USP36: variants seen among roughly 807,000 people sequenced by gnomAD.
USP36 encodes the protein ubiquitin specific peptidase 36.
Under a neutral mutation model 111.5 loss-of-function variants are expected in USP36, and 59 were observed. The ratio of observed to expected loss-of-function variants is 0.53; its 90% confidence interval spans 0.43 to 0.66. The LOEUF (loss-of-function observed/expected upper bound fraction) is 0.66. Ranked by LOEUF, USP36 falls within the 30% of genes least tolerant of loss-of-function variation. USP36 has a pLI of 0.00. For missense variants in USP36, 1,488 were observed against 1,468.0 expected (o/e 1.01, Z -0.22); for synonymous variants, 628 against 581.0 (o/e 1.08, Z -1.16).
At chr17:78,794,452 G>A (rs573718819), downstream of USP36, among the ~76,000 whole-genome samples, 61 of 152,120 alleles carry the variant, frequency 4.0e-4, no homozygotes, top group Non-Finnish European at 7.4e-4. Flanking sequence ...GGTGCTTCAG[G>A]CAGAGCTCAT....
At chr17:78,821,411 TATA>T (rs1567952669) in intron 7 of USP36, 25 of 67,520 alleles carry the variant, frequency 3.7e-4, no homozygotes, top group African/African-American at 1.2e-3. Context: ...TATATATATA[TATA>T]TATATATTTT....
chr17:78,812,933 C>A lies in USP36; in HGVS notation c.1334G>T (p.Arg445Leu), dbSNP rs368954783. 42 of 1,613,722 alleles carry A rather than the reference C, an allele frequency of 2.6e-5. No individual in the cohort carries two copies. In the South Asian group the frequency reaches 4.0e-4, roughly 15 times the overall value. Reference protein sequence around the residue: ...SRTGSSSLPGRPSVIPDHSKK... With the variant: ...SRTGSSSLPGLPSVIPDHSKK... ...GGAGTGATCTGGAATCACACTCGGG[C>A]GGCCGGGAAGGGAGGAGGAGCCTGT... The change falls in exon 13 of 21, where the codon CGC (arginine) becomes CTC (leucine). Residue 445 changes from arginine (R) to leucine (L), a missense_variant. Physicochemically the swap from Arg to Leu is moderately radical, Grantham distance 102. Around this residue, in one of 3 missense-constraint regions of USP36, gnomAD observed 1,073 missense variants for 994.1 expected, o/e 1.08. Coordinates refer to ENST00000449938, the MANE Select transcript of USP36 (RefSeq NM_001385174.1).
Position 78,809,710 on chromosome 17 carries a change from C to T in USP36, c.1408-2074G>A, listed in dbSNP as rs146710968. ...GCAGTGGCACAATGATAGCTCAATG[C>T]AGCCTTGTGTTTAAGTGATCCTCCT... On this transcript the variant is annotated intron_variant, in intron 13 of 20. Transcript: ENST00000449938. Among the ~76,000 whole-genome samples, 182 of 152,204 alleles carry T rather than the reference C, an allele frequency of 1.2e-3. 4 individuals are homozygous for T. In the East Asian group the frequency reaches 0.029, roughly 25 times the overall value.
At position 78,835,483 on chromosome 17, in the gene USP36, T is replaced by C. The variant is rs369599195; in HGVS notation, c.272A>G (p.Glu91Gly). 3.1e-6 allele frequency: 5 copies of C among 1,605,864 alleles called. No homozygotes were observed. The highest frequency in any genetic ancestry group is 3.4e-6 in the Non-Finnish European group (4 of 1,175,882). The change falls in exon 4 of 21, where the codon GAG (glutamate) becomes GGG (glycine). Residue 91 changes from glutamate (E) to glycine (G), a missense_variant. This residue lies in a region of USP36 where 219 missense variants were observed against 209.5 expected (regional missense o/e 1.05). Coordinates refer to ENST00000449938, the MANE Select transcript of USP36 (RefSeq NM_001385174.1). ...ARRQGSEHTY[E>G]SCGDGVPAPQ... is the part of the protein sequence containing the mutation. ...GGCTGGGACTCCGTCACCACAGCTCTCATACGTGTGCTCACTGCCTGAGGA... is the reference window on the plus strand; with the variant it reads ...GGCTGGGACTCCGTCACCACAGCTCCCATACGTGTGCTCACTGCCTGAGGA...
chr17:78,837,246 G>A (rs1166346653), intron 2 of USP36, among the ~76,000 whole-genome samples: 1 of 152,096 alleles, frequency 6.6e-6, no homozygotes, highest in Non-Finnish European at 1.5e-5. Flanking sequence ...TGAGGAAGGA[G>A]AAGAAAAGCA....
rs768324333 is a variant in USP36 at position 78,836,300 on chromosome 17, C to G, written c.64G>C (p.Gly22Arg). ...GAGGCAAGAAGCTTCCCCAGTTCTC[C>G]ATCATCAGCCGAGTCCTTGCGGCCG... ...KPGRKDSADD[G>R]ELGKLLASSA... is the part of the protein sequence containing the mutation. Residue 22 changes from glycine (G) to arginine (R), a missense_variant, in exon 3 of 21, where the codon GGA becomes CGA. Physicochemically the swap from Gly to Arg is moderately radical, Grantham distance 125 (BLOSUM62 -2). This residue lies in a region of USP36 where 219 missense variants were observed against 209.5 expected (regional missense o/e 1.05). Transcript: ENST00000449938. 1 of 1,614,184 alleles carries G rather than the reference C, an allele frequency of 6.2e-7. No individual in the cohort carries two copies. The highest frequency in any genetic ancestry group is 8.5e-7 in the Non-Finnish European group (1 of 1,180,044).
chr17:78,827,067 G>T (rs1028336802), intron 6 of USP36, 178 bp downstream of exon 6: 1 of 747,728 alleles, frequency 1.3e-6, no homozygotes, highest in East Asian at 2.7e-5. Context: ...AGGAAGCAAG[G>T]GCAATCCCCT....
chr17:78,802,997 G>A (rs1421443145), intron 16 of USP36, among the ~76,000 whole-genome samples: 1 of 151,842 alleles, frequency 6.6e-6, no homozygotes, highest in Admixed American at 6.6e-5. Flanking sequence ...GTAGTGCAGT[G>A]ACGCGATCTC....
At chr17:78,831,225 C>CAAAAAAAAAAAAAAAAAAAAAA (rs33980218) in intron 4 of USP36, among the ~76,000 whole-genome samples, 1 of 13,530 alleles carries the variant, frequency 7.4e-5, no homozygotes, top group African/African-American at 3.4e-4. Flanking sequence ...AACTCCATCT[C>CAAAAAAAAAAAAAAAAAAAAAA]AAAAAAAAAA....
intron 4 of USP36, among the ~76,000 whole-genome samples, chr17:78,833,833 G>A (rs1193488949): frequency 1.3e-5 from 2 of 151,844 alleles, no homozygotes; most frequent in African/African-American, 2.4e-5. Flanking sequence ...TTTCTTTCTC[G>A]CATTTTCCTT....
intron 2 of USP36, among the ~76,000 whole-genome samples, chr17:78,836,883 A>C (rs1050018764): frequency 1.7e-4 from 26 of 152,178 alleles, no homozygotes; most frequent in Admixed American, 5.2e-4. Flanking sequence ...ATGAGCATGC[A>C]TGTCTGTACA....
chr17:78,789,361 A>C (rs952205344), intron 3 of USP36, among the ~76,000 whole-genome samples: 1 of 152,032 alleles, frequency 6.6e-6, no homozygotes, highest in Non-Finnish European at 1.5e-5. Context: ...CCTCCCACCC[A>C]GAAGGAGTAG....
Position 78,812,977 on chromosome 17 carries a change from G to C in USP36, c.1290C>G (p.Pro430=). 1 of 1,614,028 alleles carries C rather than the reference G, an allele frequency of 6.2e-7. No individual in the cohort carries two copies. Among genetic ancestry groups the C allele is most frequent in the Non-Finnish European group, 8.5e-7 (1 of 1,179,998 alleles). ...YLRIPGSKKS[P]EGLISRTGSS... is the part of the protein sequence containing the mutation. The stretch of plus-strand genomic sequence containing the variant: ...AGCCTGTCCTGGAGATGAGGCCCTC[G>C]GGACTTTTCTTAGAGCCTGGAATTC... Residue 430 remains proline, a synonymous_variant, in exon 13 of 21, where the codon CCC becomes CCG. Coordinates refer to ENST00000449938, the MANE Select transcript of USP36 (RefSeq NM_001385174.1).
In USP36 at chr17:78,823,726, G is replaced by A. The variant is rs529025139; in HGVS notation, c.690-1722C>T. The stretch of plus-strand genomic sequence containing the variant: ...GAGGCAGGCAGGCAGCCTTAGAAGG[G>A]CAGTGAAGGGCAAGAGAGGCAAAAG... On this transcript the variant is annotated intron_variant, in intron 6 of 20. Transcript: ENST00000449938. Among the ~76,000 whole-genome samples the A allele has an allele frequency of 1.3e-4, 20 of 152,286 alleles. No homozygotes were observed. In the South Asian group the frequency reaches 3.7e-3, roughly 28 times the overall value.
downstream of USP36, among the ~76,000 whole-genome samples, chr17:78,794,962 C>T (rs34645192): frequency 2.7e-5 from 4 of 148,290 alleles, no homozygotes; most frequent in Non-Finnish European, 4.4e-5. Flanking sequence ...AGCGGAGAAT[C>T]GTGCCACTGC....
rs1321061325 is a variant in USP36, at chr17:78,799,762, C to T, written c.3029G>A (p.Ser1010Asn). ...GWCPGDRMGLSQAPPVSWNGE... is the reference protein window; with the variant it reads ...GWCPGDRMGLNQAPPVSWNGE... ...ATTCCAAGACACAGGAGGGGCCTGG[C>T]TCAGCCCTGCAATCGGAGCAGCCAA... The change falls in exon 18 of 21, where the codon AGC (serine) becomes AAC (asparagine). Residue 1010 changes from serine to asparagine, a missense_variant. Physicochemically the swap from Ser to Asn is conservative, Grantham distance 46. Transcript: ENST00000449938. 4.4e-6 allele frequency: 7 copies of T among 1,601,496 alleles called. No individual in the cohort carries two copies. Among genetic ancestry groups the T allele is most frequent in the Middle Eastern group, 1.6e-4 (1 of 6,064 alleles).
chr17:78,816,618 T>TC (rs1274594836), intron 10 of USP36, among the ~76,000 whole-genome samples: 1 of 150,688 alleles, frequency 6.6e-6, no homozygotes, highest in Admixed American at 6.6e-5. Flanking sequence ...AGAGTAAGAC[T>TC]CCGTCTCAAA....
At chr17:78,805,625 C>T (rs1296309466) in intron 15 of USP36, among the ~76,000 whole-genome samples, 1 of 152,186 alleles carries the variant, frequency 6.6e-6, no homozygotes. Flanking sequence ...CGCAGGCAGC[C>T]CCTGCGGACC....
At chr17:78,801,650 C>G (rs1283687153) in intron 17 of USP36, among the ~76,000 whole-genome samples, 1 of 152,178 alleles carries the variant, frequency 6.6e-6, no homozygotes, top group Non-Finnish European at 1.5e-5. Context: ...GCACACAGGT[C>G]CCCAACAGCA....
Sources: allele counts gnomAD v4.1 joint callset (sites outside exome capture counted in the v4.1 genomes callset), GRCh38; gene constraint gnomAD v4.1.1; regional missense constraint gnomAD v4.1.1; transcripts MANE v1.5; gene names NCBI Gene and HGNC (gene_info 2026-07-23, HGNC 2026-07-21).